NXPE4: variants seen among roughly 807,000 people sequenced by gnomAD.
NXPE4 encodes the protein neurexophilin and PC-esterase domain family member 4.
NXPE4 carries 42 observed loss-of-function variants against 33.3 expected under a neutral mutation model. That is an observed-to-expected ratio of 1.26 (90% confidence interval 0.98 to 1.63). The LOEUF (loss-of-function observed/expected upper bound fraction) is 1.63, where lower values mean the gene tolerates loss of function less well. NXPE4 is among the 40% of genes most tolerant of loss of function. NXPE4 has a pLI of 0.00. For synonymous variants in NXPE4, 253 were observed against 234.9 expected (o/e 1.08, Z -0.71); for missense variants, 709 against 647.6 (o/e 1.09, Z -1.03).
chr11:114,675,561 TA>T, the NXPE4 span, among the ~76,000 whole-genome samples: 169 of 151,432 alleles, frequency 1.1e-3, 1 homozygote, highest in South Asian at 4.1e-3. Context: ...TAATATAGCA[TA>T]AAAAAAACCC....
At chr11:114,576,299 T>A (rs1948992669) in intron 5 of NXPE4, among the ~76,000 whole-genome samples, 1 of 152,066 alleles carries the variant, frequency 6.6e-6, no homozygotes, top group African/African-American at 2.4e-5. Context: ...AGGCAAAAAC[T>A]TTATGACCAA....
chr11:114,655,643 G>C, the NXPE4 span, among the ~76,000 whole-genome samples: 1 of 152,050 alleles, frequency 6.6e-6, no homozygotes, highest in African/African-American at 2.4e-5. Flanking sequence ...GTAGATGTGT[G>C]GTATTATTTC....
In NXPE4 at chr11:114,582,416, G is replaced by T. The variant is rs773381710; in HGVS notation, c.702C>A (p.Asp234Glu). 6.2e-7 allele frequency: 1 copy of T among 1,614,218 alleles called. No individual in the cohort carries two copies. The highest frequency in any genetic ancestry group is 8.5e-7 in the Non-Finnish European group (1 of 1,180,022). Reference protein sequence around the residue: ...NTNAELCQYLDNRDQEGFYCV... With the variant: ...NTNAELCQYLENRDQEGFYCV... ...AGTAGAAGCCTTCTTGGTCTCTGTT[G>T]TCCAGGTACTGGCACAATTCAGCAT... The change falls in exon 3 of 6, where the codon GAC becomes GAA. Residue 234 changes from aspartate (D) to glutamate (E), a missense_variant. Asp to Glu is a conservative substitution (Grantham distance 45). Coordinates refer to ENST00000375478, the MANE Select transcript of NXPE4 (RefSeq NM_001077639.2).
the NXPE4 span, among the ~76,000 whole-genome samples, chr11:114,677,838 T>G: frequency 6.6e-6 from 1 of 152,104 alleles, no homozygotes; most frequent in African/African-American, 2.4e-5. Flanking sequence ...GCATACTGAG[T>G]GTGGCCCGTG....
chr11:114,638,475 A>G, the NXPE4 span, among the ~76,000 whole-genome samples: 544 of 152,166 alleles, frequency 3.6e-3, 4 homozygotes, highest in African/African-American at 0.013. Flanking sequence ...CATCAAAGTC[A>G]TTCTCCGTCC....
the NXPE4 span, among the ~76,000 whole-genome samples, chr11:114,669,212 T>C: frequency 1.3e-5 from 2 of 152,132 alleles, no homozygotes; most frequent in Admixed American, 6.6e-5. Context: ...ATTTAAAGTC[T>C]TTGGAAATTA....
At chr11:114,615,018 G>A in the NXPE4 span, among the ~76,000 whole-genome samples, 7,423 of 150,448 alleles carry the variant, frequency 0.049, 604 homozygotes, top group African/African-American at 0.17. Flanking sequence ...GTGTTTCCTC[G>A]TGGGTAACCA....
chr11:114,663,787 A>G, the NXPE4 span, among the ~76,000 whole-genome samples: 2 of 152,134 alleles, frequency 1.3e-5, no homozygotes, highest in Non-Finnish European at 2.9e-5. Context: ...CAAAATTTAA[A>G]CATTTCATCC....
At chr11:114,608,367 C>T in the NXPE4 span, among the ~76,000 whole-genome samples, 3 of 151,866 alleles carry the variant, frequency 2.0e-5, no homozygotes, top group Non-Finnish European at 4.4e-5. Flanking sequence ...CAACTCTTAC[C>T]ATGTGGATAA....
rs1283034108 is a variant in NXPE4 at position 114,582,996 on chromosome 11, A to T, written c.122T>A (p.Ile41Asn). The change falls in exon 3 of 6, where the codon ATC (isoleucine) becomes AAC (asparagine). Residue 41 changes from isoleucine to asparagine, a missense_variant. Transcript: ENST00000375478. ...GGAGTTGTTCCAGTAATGGAGGGAG[A>T]TGGATAAGTTTAGAGCAGACCAAAC... ...TKVWSALNLS[I>N]SLHYWNNSTK... 2.5e-6 allele frequency: 4 copies of T among 1,613,064 alleles called. No homozygotes were observed. The Admixed American group carries it at 5.0e-5, about 20-fold the overall frequency.
the NXPE4 span, among the ~76,000 whole-genome samples, chr11:114,621,328 C>T: frequency 6.6e-6 from 1 of 151,316 alleles, no homozygotes; most frequent in East Asian, 2.0e-4. Flanking sequence ...CTGTTACCCG[C>T]TGGATAATAA....
At chr11:114,631,417 G>A in the NXPE4 span, among the ~76,000 whole-genome samples, 9 of 150,444 alleles carry the variant, frequency 6.0e-5, no homozygotes, top group South Asian at 6.3e-4. Flanking sequence ...GTAAACTATC[G>A]CAAGAACAAA....
intron 2 of NXPE4, 66 bp from the exon 3 acceptor site, chr11:114,583,087 GA>G: frequency 1.3e-6 from 2 of 1,495,102 alleles, no homozygotes; most frequent in Non-Finnish European, 1.8e-6. Flanking sequence ...GAAATGACAG[GA>G]AGTGTAACAT....
At chr11:114,625,196 C>T in the NXPE4 span, among the ~76,000 whole-genome samples, 27,268 of 152,084 alleles carry the variant, frequency 0.18, 2,795 homozygotes, top group Non-Finnish European at 0.22. Context: ...TACGTGTGGC[C>T]TTGTGGGTAA....
chr11:114,580,094 T>C (rs1949101011), intron 5 of NXPE4, 38 bp downstream of exon 5: 1 of 1,519,158 alleles, frequency 6.6e-7, no homozygotes, highest in African/African-American at 1.4e-5. Flanking sequence ...AAGAAGTTTC[T>C]GAAAGGGGTA....
At chr11:114,583,624 T>C in intron 2 of NXPE4, 1 of 592,838 alleles carries the variant, frequency 1.7e-6, no homozygotes, top group South Asian at 1.4e-5. Context: ...CTGTGAAACT[T>C]AATGAGCAGC....
In NXPE4 at chr11:114,580,287, A is replaced by ATTG; in HGVS notation, c.941_943dup (p.Thr314dup). 1.2e-6 allele frequency: 2 copies of ATTG among 1,614,026 alleles called. No homozygotes were observed. The highest frequency in any genetic ancestry group is 1.7e-6 in the Non-Finnish European group (2 of 1,179,952). ...GTTTCTCCAGACATGCCCACTGGGGATTGTGGATGTCATTCCAAACTTGCA... is the reference window on the plus strand; with the variant it reads ...GTTTCTCCAGACATGCCCACTGGGGATTGTTGTGGATGTCATTCCAAACTTGCA... On this transcript the variant is annotated inframe_insertion, in exon 5 of 6. Coordinates refer to ENST00000375478, the MANE Select transcript of NXPE4 (RefSeq NM_001077639.2).
chr11:114,577,028 CATAT>C (rs1324573013), intron 5 of NXPE4, among the ~76,000 whole-genome samples: 5 of 95,012 alleles, frequency 5.3e-5, no homozygotes, highest in East Asian at 4.8e-4. Context: ...TATATATATA[CATAT>C]ATATATATAA....
chr11:114,597,122 T>C (rs148500694), upstream of NXPE4, among the ~76,000 whole-genome samples: 1 of 152,158 alleles, frequency 6.6e-6, no homozygotes, highest in Non-Finnish European at 1.5e-5. Context: ...AAGGATAGAC[T>C]CTGATTAATT....
Sources: allele counts gnomAD v4.1 joint callset (sites outside exome capture counted in the v4.1 genomes callset), GRCh38; gene constraint gnomAD v4.1.1; transcripts MANE v1.5; gene names NCBI Gene and HGNC (gene_info 2026-07-23, HGNC 2026-07-21).